The following FGB variants were observed in gnomAD, a reference collection of about 807,000 sequenced individuals.
FGB encodes fibrinogen beta chain.
In FGB, 25 loss-of-function variants were observed where a neutral mutation model predicts 57.9. That is an observed-to-expected ratio of 0.43 (90% confidence interval 0.31 to 0.60). The LOEUF is 0.60. Ranked by LOEUF, FGB falls within the 20% of genes least tolerant of loss-of-function variation. The pLI is 0.08. For synonymous variants in FGB, 203 were observed against 199.2 expected (o/e 1.02, Z -0.16); for missense variants, 536 against 598.4 (o/e 0.90, Z 1.09).
intron 2 of FGB, among the ~76,000 whole-genome samples, 200 bp downstream of exon 2, chr4:154,566,199 A>C (rs576766634): frequency 2.4e-3 from 361 of 152,340 alleles, no homozygotes; most frequent in Non-Finnish European, 3.5e-3. Context: ...GTCTGGGCCC[A>C]AAATTTCAAA....
chr4:154,571,454 G>A lies in FGB; in HGVS notation c.*804G>A, dbSNP rs954845685. Among the ~76,000 whole-genome samples the A allele has an allele frequency of 2.2e-4, 32 of 145,544 alleles. No homozygotes were observed. Among genetic ancestry groups the A allele is most frequent in the African/African-American group, 7.3e-4 (29 of 39,822 alleles). On this transcript the variant is annotated 3_prime_UTR_variant, in exon 8 of 8. Transcript: ENST00000302068. Reference sequence around the variant, plus strand: ...ACTGCACTCCAGCCTGGGCAACAGCGTGAGACTCCACCTCAAAAAAAAAAA... The same window carrying A: ...ACTGCACTCCAGCCTGGGCAACAGCATGAGACTCCACCTCAAAAAAAAAAA...
Position 154,565,839 on chromosome 4 carries a change from T to C in FGB, c.146T>C (p.Leu49Pro). 1 of 1,614,208 alleles carries C rather than the reference T, an allele frequency of 6.2e-7. No homozygotes were observed. Among genetic ancestry groups the C allele is most frequent in the Non-Finnish European group, 8.5e-7 (1 of 1,180,024 alleles). ...TTCAGTGCCCGTGGTCATCGACCCC[T>C]TGACAAGAAGAGAGAAGAGGCTCCC... ...GFFSARGHRP[L>P]DKKREEAPSL... Residue 49 changes from leucine to proline, a missense_variant, in exon 2 of 8, where the codon CTT becomes CCT. By Grantham distance (98) the Leu-to-Pro change is moderately conservative. This residue lies in a region of FGB where 354 missense variants were observed against 383.4 expected (regional missense o/e 0.92). Transcript: ENST00000302068.
intron 4 of FGB, 53 bp downstream of exon 4, chr4:154,567,873 A>G (rs1428311756): frequency 3.2e-6 from 4 of 1,267,506 alleles, no homozygotes; most frequent in Admixed American, 3.4e-5. Flanking sequence ...CTCACACACC[A>G]AAAATAAGAG....
At chr4:154,566,424 C>T in intron 2 of FGB, 65 bp from the exon 3 acceptor site, 1 of 1,438,110 alleles carries the variant, frequency 7.0e-7, no homozygotes, top group Non-Finnish European at 9.8e-7. Context: ...TTCCTATGTG[C>T]TATTTTAACA....
At chr4:154,567,962 CT>C in intron 4 of FGB, 142 bp downstream of exon 4, 1 of 750,604 alleles carries the variant, frequency 1.3e-6, no homozygotes, top group Non-Finnish European at 2.3e-6. Context: ...TAAAAATATC[CT>C]TAGCCAGTTG....
At chr4:154,564,016 A>G (rs1730053500) in intron 1 of FGB, among the ~76,000 whole-genome samples, 1 of 151,930 alleles carries the variant, frequency 6.6e-6, no homozygotes, top group South Asian at 2.1e-4. Flanking sequence ...TACATGTAAG[A>G]ACATATAGTT....
At chr4:154,567,559 T>G (rs1730210626) in intron 3 of FGB, 34 bp from the exon 4 acceptor site, 1 of 1,371,448 alleles carries the variant, frequency 7.3e-7, no homozygotes, top group Admixed American at 1.7e-5. Context: ...GAGGCAAAAA[T>G]GCTAACTATT....
chr4:154,566,146 C>T, intron 2 of FGB, 147 bp downstream of exon 2: 1 of 819,116 alleles, frequency 1.2e-6, no homozygotes, highest in Non-Finnish European at 1.9e-6. Context: ...AAAACATAAA[C>T]ATATTGGGCC....
Position 154,565,318 on chromosome 4 carries a change from T to A in FGB, c.115-490T>A, listed in dbSNP as rs2227402. 0.16 allele frequency: 49,010 copies of A among 304,438 alleles called. 4,404 individuals are homozygous for A. The highest frequency in any genetic ancestry group is 0.22 in the Middle Eastern group (527 of 2,440). 18.9% of individuals were successfully genotyped at this position (304,438 alleles called of 1,614,324 possible). On this transcript the variant is annotated intron_variant, in intron 1 of 7. Transcript: ENST00000302068. Reference sequence around the variant, plus strand: ...GGGTCAAAGATTGTCTTATTACAAATAAATTCCAAGTAGAATCAACCTTTA... The same window carrying A: ...GGGTCAAAGATTGTCTTATTACAAAAAAATTCCAAGTAGAATCAACCTTTA...
At chr4:154,569,470 C>T in intron 6 of FGB, 44 bp from the exon 7 acceptor site, 2 of 1,600,592 alleles carry the variant, frequency 1.2e-6, no homozygotes, top group Non-Finnish European at 1.7e-6. Flanking sequence ...TTTAGTTTCC[C>T]AAAATTTTAT....
Position 154,569,323 on chromosome 4 carries a change from G to A in FGB, c.958+16G>A. 1 of 1,613,872 alleles carries A rather than the reference G, an allele frequency of 6.2e-7. No individual in the cohort carries two copies. Among genetic ancestry groups the A allele is most frequent in the East Asian group, 2.2e-5 (1 of 44,862 alleles). Reference sequence around the variant, plus strand: ...GGCCTACCAGGTAACGAACAGGCATGCAAAATAAAATCATTCTATTTGAAA... The same window carrying A: ...GGCCTACCAGGTAACGAACAGGCATACAAAATAAAATCATTCTATTTGAAA... On this transcript the variant is annotated intron_variant, in intron 6 of 7. Transcript: ENST00000302068.
intron 1 of FGB, 111 bp from the exon 2 acceptor site, chr4:154,565,697 G>A (rs183166282): frequency 4.4e-5 from 51 of 1,146,766 alleles, no homozygotes; most frequent in Middle Eastern, 4.9e-4. Context: ...TGGATCTTAA[G>A]CAAATTATCA....
At position 154,565,910 on chromosome 4, in the gene FGB, G is replaced by C; in HGVS notation, c.217G>C (p.Ala73Pro). The C allele has an allele frequency of 6.2e-7, 1 of 1,614,048 alleles. No individual in the cohort carries two copies. The highest frequency in any genetic ancestry group is 8.5e-7 in the Non-Finnish European group (1 of 1,180,034). ...GCCCATCAGTGGAGGTGGCTATCGG[G>C]CTCGTCCAGCCAAAGCAGCTGCCAC... ...PPPISGGGYR[A>P]RPAKAAATQK... The change falls in exon 2 of 8, where the codon GCT becomes CCT. Residue 73 changes from alanine (A) to proline (P), a missense_variant. Physicochemically the swap from Ala to Pro is conservative, Grantham distance 27. Transcript: ENST00000302068.
Position 154,570,690 on chromosome 4 carries a change from C to T in FGB, c.*40C>T, listed in dbSNP as rs1479133040. The T allele has an allele frequency of 7.0e-7, 1 of 1,419,484 alleles. No homozygotes were observed. The highest frequency in any genetic ancestry group is 1.0e-6 in the Non-Finnish European group (1 of 1,004,834). 87.9% of individuals were successfully genotyped at this position (1,419,484 alleles called of 1,614,324 possible). ...ATTTTTGCTCTTCTGTATGTGACAA[C>T]ATTTTTGTACATTATGTTATTGGAA... On this transcript the variant is annotated 3_prime_UTR_variant, in exon 8 of 8. Coordinates refer to ENST00000302068, the MANE Select transcript of FGB (RefSeq NM_005141.5).
chr4:154,569,339 C>G, intron 6 of FGB, 32 bp downstream of exon 6: 2 of 1,613,072 alleles, frequency 1.2e-6, no homozygotes, highest in Non-Finnish European at 1.7e-6. Context: ...TAAAATCATT[C>G]TATTTGAAAT....
At position 154,567,642 on chromosome 4, in the gene FGB, A is replaced by G. The variant is rs747127658; in HGVS notation, c.540A>G (p.Gln180=). Reference sequence around the variant, plus strand: ...ACTCCTCAGAACTGGAAAAGCACCAATTATATATAGATGAGACTGTGAATA... The same window carrying G: ...ACTCCTCAGAACTGGAAAAGCACCAGTTATATATAGATGAGACTGTGAATA... ...NEYSSELEKH[Q]LYIDETVNSN... is the part of the protein sequence containing the mutation. The change falls in exon 4 of 8, where the codon CAA becomes CAG. Residue 180 remains glutamine (Q), a synonymous_variant. Coordinates refer to ENST00000302068, the MANE Select transcript of FGB (RefSeq NM_005141.5). 6.2e-7 allele frequency: 1 copy of G among 1,613,070 alleles called. No homozygotes were observed. Among genetic ancestry groups the G allele is most frequent in the East Asian group, 2.2e-5 (1 of 44,856 alleles).
intron 1 of FGB, among the ~76,000 whole-genome samples, chr4:154,563,885 T>C: frequency 6.6e-6 from 1 of 152,008 alleles, no homozygotes; most frequent in East Asian, 1.9e-4. Flanking sequence ...CCAAATTTCT[T>C]ACATATAGCA....
At chr4:154,568,791 A>G (rs1730286993) in intron 5 of FGB, among the ~76,000 whole-genome samples, 1 of 151,394 alleles carries the variant, frequency 6.6e-6, no homozygotes, top group Admixed American at 6.6e-5. Flanking sequence ...TGAGCCCACA[A>G]CCTGGAGTCT....
At chr4:154,569,360 T>A in intron 6 of FGB, 53 bp downstream of exon 6, 2 of 1,611,828 alleles carry the variant, frequency 1.2e-6, no homozygotes, top group Non-Finnish European at 1.7e-6. Flanking sequence ...GGGATTTTTT[T>A]TAATTAAAAA....
Sources: gnomAD v4.1 joint callset for allele counts (sites outside exome capture counted in the v4.1 genomes callset) on GRCh38, gnomAD v4.1.1 for gene constraint, gnomAD v4.1.1 regional missense constraint, MANE v1.5 for transcripts, NCBI Gene and HGNC (gene_info 2026-07-23, HGNC 2026-07-21) for gene names.